LRRC4C: variants seen among roughly 807,000 people sequenced by gnomAD.
LRRC4C encodes leucine rich repeat containing 4C, also known as leucine-rich repeat-containing protein 4C.
Under a neutral mutation model 33.6 loss-of-function variants are expected in LRRC4C, and 5 were observed. The ratio of observed to expected loss-of-function variants is 0.15; its 90% CI spans 0.08 to 0.31. LRRC4C has a LOEUF of 0.31. Ranked by LOEUF, LRRC4C falls within the 10% of genes least tolerant of loss-of-function variation. The pLI, the probability that LRRC4C is intolerant of heterozygous loss-of-function variation, is 1.00. For missense variants in LRRC4C, 560 were observed against 796.7 expected (o/e 0.70, Z 3.58); for synonymous variants, 329 against 302.0 (o/e 1.09, Z -0.93).
chr11:40,228,412 G>C (rs911222615), intron 5 of LRRC4C, among the ~76,000 whole-genome samples: 5 of 151,878 alleles, frequency 3.3e-5, no homozygotes, highest in Admixed American at 1.3e-4. Context: ...GCACTGTCAT[G>C]TGCAGCCTTT....
chr11:40,204,270 C>T (rs1021066604), intron 5 of LRRC4C, among the ~76,000 whole-genome samples: 2 of 152,128 alleles, frequency 1.3e-5, no homozygotes, highest in African/African-American at 4.8e-5. Context: ...ACCACCCATT[C>T]TACACTTGAC....
intron 1 of LRRC4C, among the ~76,000 whole-genome samples, chr11:41,063,264 A>G (rs1280535560): frequency 2.0e-5 from 3 of 152,214 alleles, no homozygotes; most frequent in Non-Finnish European, 4.4e-5. Context: ...ATTACCAGAC[A>G]TTGTTCTCTG....
chr11:40,990,886 T>G (rs1853496765), intron 1 of LRRC4C, among the ~76,000 whole-genome samples: 1 of 152,032 alleles, frequency 6.6e-6, no homozygotes, highest in Non-Finnish European at 1.5e-5. Context: ...AAGAAGTGCT[T>G]TTTTTTATAC....
At chr11:40,282,106 T>C (rs749063386) in intron 4 of LRRC4C, among the ~76,000 whole-genome samples, 23 of 152,136 alleles carry the variant, frequency 1.5e-4, no homozygotes, top group Non-Finnish European at 2.4e-4. Flanking sequence ...TTTCGCACTT[T>C]TGGAGGCCGA....
At chr11:41,307,897 A>G (rs1950546758) in intron 1 of LRRC4C, among the ~76,000 whole-genome samples, 1 of 152,172 alleles carries the variant, frequency 6.6e-6, no homozygotes, top group African/African-American at 2.4e-5. Context: ...TGGGGAGACT[A>G]ATTTGGGGAA....
chr11:40,249,294 G>A (rs902827989), intron 4 of LRRC4C, among the ~76,000 whole-genome samples: 26 of 151,926 alleles, frequency 1.7e-4, no homozygotes, highest in African/African-American at 5.8e-4. Context: ...AGCCGAGATC[G>A]CACTACTGCA....
chr11:40,953,515 GT>G (rs1370109534), intron 1 of LRRC4C, among the ~76,000 whole-genome samples: 1 of 151,752 alleles, frequency 6.6e-6, no homozygotes. Context: ...ACAGCTGTAT[GT>G]AATTTCATAA....
intron 2 of LRRC4C, among the ~76,000 whole-genome samples, chr11:40,827,438 TA>T (rs1304084364): frequency 2.6e-5 from 4 of 151,198 alleles, no homozygotes; most frequent in African/African-American, 9.7e-5. Flanking sequence ...AAAGAAAAAA[TA>T]AAAAAAGTTC....
intron 1 of LRRC4C, among the ~76,000 whole-genome samples, chr11:41,201,424 A>T (rs1211695171): frequency 6.6e-6 from 1 of 152,208 alleles, no homozygotes; most frequent in Non-Finnish European, 1.5e-5. Context: ...CAAGGTTTTC[A>T]AAACCCTTGG....
chr11:40,392,238 T>C (rs768529234), intron 3 of LRRC4C, among the ~76,000 whole-genome samples: 2 of 152,142 alleles, frequency 1.3e-5, no homozygotes, highest in African/African-American at 2.4e-5. Flanking sequence ...TAATGATGGA[T>C]ACATAACATT....
intron 1 of LRRC4C, among the ~76,000 whole-genome samples, chr11:41,223,303 A>G (rs1225349453): frequency 6.6e-6 from 1 of 152,202 alleles, no homozygotes; most frequent in African/African-American, 2.4e-5. Context: ...AATTTAGCAC[A>G]TAAAAGGAAC....
intron 3 of LRRC4C, among the ~76,000 whole-genome samples, chr11:40,402,746 A>G (rs1171066007): frequency 6.6e-6 from 1 of 152,142 alleles, no homozygotes; most frequent in Non-Finnish European, 1.5e-5. Flanking sequence ...AAATTTATAT[A>G]TACCCAGAAT....
intron 3 of LRRC4C, among the ~76,000 whole-genome samples, chr11:40,541,179 T>G (rs1716525907): frequency 6.6e-6 from 1 of 152,130 alleles, no homozygotes; most frequent in Non-Finnish European, 1.5e-5. Flanking sequence ...ATTTTGTCTG[T>G]TTTTAGTTAA....
intron 2 of LRRC4C, among the ~76,000 whole-genome samples, chr11:40,660,693 C>G (rs1228232581): frequency 1.3e-5 from 2 of 152,190 alleles, no homozygotes; most frequent in African/African-American, 4.8e-5. Flanking sequence ...CCCCACAGGA[C>G]TCAAGCTCCA....
chr11:41,237,554 T>G (rs992430431), intron 1 of LRRC4C, among the ~76,000 whole-genome samples: 1 of 152,186 alleles, frequency 6.6e-6, no homozygotes, highest in Admixed American at 6.5e-5. Flanking sequence ...ATTTACTTGG[T>G]AACTGGATGA....
At chr11:40,800,951 A>G (rs551915125) in intron 2 of LRRC4C, among the ~76,000 whole-genome samples, 67 of 152,230 alleles carry the variant, frequency 4.4e-4, no homozygotes, top group African/African-American at 1.6e-3. Flanking sequence ...CCTTAAATAC[A>G]TCATAAACTT....
chr11:40,291,818 A>G (rs779790122), intron 4 of LRRC4C, among the ~76,000 whole-genome samples: 27 of 152,204 alleles, frequency 1.8e-4, no homozygotes, highest in Non-Finnish European at 3.5e-4. Flanking sequence ...TTCGATTTCC[A>G]ATAGCGAAAC....
intron 2 of LRRC4C, among the ~76,000 whole-genome samples, chr11:40,896,630 T>C (rs972628774): frequency 3.3e-5 from 5 of 151,998 alleles, no homozygotes; most frequent in Non-Finnish European, 7.4e-5. Flanking sequence ...TTCTTTCATA[T>C]GTAGATAAGA....
chr11:40,358,954 C>T (rs1223903907), intron 3 of LRRC4C, among the ~76,000 whole-genome samples: 1 of 151,998 alleles, frequency 6.6e-6, no homozygotes, highest in African/African-American at 2.4e-5. Flanking sequence ...TATTCTTCTT[C>T]CCAAACAATC....
Sources: gnomAD v4.1 joint callset for allele counts (sites outside exome capture counted in the v4.1 genomes callset) on GRCh38, gnomAD v4.1.1 for gene constraint, MANE v1.5 for transcripts, NCBI Gene and HGNC (gene_info 2026-07-23, HGNC 2026-07-21) for gene names.